SETD9: variants seen among roughly 807,000 people sequenced by gnomAD.
SETD9 encodes the protein SET domain containing 9, also known as SET domain-containing protein 9.
Under a neutral mutation model 36.4 loss-of-function variants are expected in SETD9, and 37 were observed. That is an observed-to-expected ratio of 1.02 (90% CI 0.78 to 1.34). The LOEUF is 1.34. Among genes scored for constraint, SETD9 ranks in the 40% most tolerant of loss-of-function variants. The pLI is 0.00. For synonymous variants in SETD9, 128 were observed against 132.9 expected, an observed-to-expected ratio of 0.96 and a Z score of 0.26; for missense variants, 323 against 353.2, an observed-to-expected ratio of 0.91 and a Z score of 0.69.
Position 56,913,928 on chromosome 5 carries a change from G to A in SETD9, c.645G>A (p.Trp215Ter). The change falls in exon 4 of 6, where the codon TGG becomes TGA. Residue 215 changes from tryptophan to a stop codon, truncating the protein, a stop_gained. Coordinates refer to ENST00000285947, the MANE Select transcript of SETD9 (RefSeq NM_153706.4). LOFTEE classifies it high-confidence loss of function. ...CTTTAAAAATGAGTGATAGTACATG[G>A]CTAACGTCAGAAATTCATAACCCTC... Reference protein sequence around the residue: ...LGPLKMSDSTWLTSEIHNPLA... With the variant: ...LGPLKMSDST The A allele has an allele frequency of 1.2e-6, 2 of 1,614,010 alleles. No individual in the cohort carries two copies. The highest frequency in any genetic ancestry group is 1.7e-6 in the Non-Finnish European group (2 of 1,179,924).
chr5:56,911,655 T>G, intron 2 of SETD9, 119 bp downstream of exon 2: 34 of 1,099,692 alleles, frequency 3.1e-5, no homozygotes, highest in Non-Finnish European at 4.1e-5. Flanking sequence ...AAACTCGAGT[T>G]TCCATAGATT....
rs73757504 is a variant in SETD9 at position 56,917,047 on chromosome 5, A to G, written c.*145A>G. 4.5e-6 allele frequency: 6 copies of G among 1,325,714 alleles called. No homozygotes were observed. The highest frequency in any genetic ancestry group is 5.8e-6 in the Non-Finnish European group (6 of 1,043,408). 82.1% of individuals were successfully genotyped at this position (1,325,714 alleles called of 1,614,324 possible). A position where few individuals can be genotyped will look rare whatever the true frequency, so the allele number is the denominator to read the frequency against. ...AATTTCTTATGTTTTTGTTGATATTATATTTATGTTCCAATTTCATGATAA... is the reference window on the plus strand; with the variant it reads ...AATTTCTTATGTTTTTGTTGATATTGTATTTATGTTCCAATTTCATGATAA... On this transcript the variant is annotated 3_prime_UTR_variant, in exon 6 of 6. Coordinates refer to ENST00000285947, the MANE Select transcript of SETD9 (RefSeq NM_153706.4).
chr5:56,923,115 A>T (rs1186852210), intron 5 of SETD9: 1 of 1,608,002 alleles, frequency 6.2e-7, no homozygotes, highest in African/African-American at 1.3e-5. Context: ...CAGTTCCGGG[A>T]TCCTCACTCA....
intron 5 of SETD9, chr5:56,923,673 G>T (rs1321406203): frequency 2.5e-6 from 4 of 1,614,064 alleles, no homozygotes; most frequent in Non-Finnish European, 3.4e-6. Context: ...ACTAAATGCA[G>T]AAAGGTCTTC....
chr5:56,916,573 T>A (rs1426524734), intron 5 of SETD9, among the ~76,000 whole-genome samples: 1 of 152,210 alleles, frequency 6.6e-6, no homozygotes, highest in East Asian at 1.9e-4. Context: ...TTAGAAACAA[T>A]GTTTTCAGAA....
At chr5:56,924,576 T>G (rs1749866953) in intron 5 of SETD9, among the ~76,000 whole-genome samples, 1 of 152,246 alleles carries the variant, frequency 6.6e-6, no homozygotes, top group Non-Finnish European at 1.5e-5. Context: ...ACCAACGGTC[T>G]ACAGCATCTG....
downstream of SETD9, among the ~76,000 whole-genome samples, chr5:56,918,039 C>T (rs1028976718): frequency 4.6e-5 from 7 of 152,180 alleles, no homozygotes; most frequent in African/African-American, 1.7e-4. Flanking sequence ...GTCCCCCTTA[C>T]AGAACATATC....
intron 5 of SETD9, among the ~76,000 whole-genome samples, chr5:56,925,069 G>A (rs906178801): frequency 2.0e-5 from 3 of 152,206 alleles, no homozygotes; most frequent in South Asian, 2.1e-4. Context: ...AACTGTTTAC[G>A]GAATGAATGG....
chr5:56,912,422 T>A (rs1749186893), intron 2 of SETD9, among the ~76,000 whole-genome samples: 1 of 152,190 alleles, frequency 6.6e-6, no homozygotes, highest in Non-Finnish European at 1.5e-5. Context: ...TTTTCTAATT[T>A]TACATCCCCA....
downstream of SETD9, among the ~76,000 whole-genome samples, chr5:56,918,463 T>C (rs902171769): frequency 2.6e-5 from 4 of 152,144 alleles, no homozygotes; most frequent in Non-Finnish European, 4.4e-5. Context: ...AAGCGTACCA[T>C]AGATGGAAAT....
intron 1 of SETD9, 63 bp downstream of exon 1, chr5:56,909,806 G>A: frequency 3.3e-6 from 5 of 1,504,330 alleles, no homozygotes; most frequent in Middle Eastern, 1.7e-4. Context: ...CCACCACGGC[G>A]GCGGGACGCA....
At chr5:56,910,598 C>A in intron 1 of SETD9, 1 of 320,142 alleles carries the variant, frequency 3.1e-6, no homozygotes, top group Non-Finnish European at 6.1e-6. Context: ...CCTTTTTGTT[C>A]AAGTAAAAAT....
intron 5 of SETD9, among the ~76,000 whole-genome samples, chr5:56,915,339 A>G (rs1316975808): frequency 2.0e-5 from 3 of 152,204 alleles, no homozygotes; most frequent in African/African-American, 7.2e-5. Flanking sequence ...TTGAAGAAAG[A>G]GGCCAAATTA....
rs141021686 is a variant in SETD9, at chr5:56,909,652, G to A, written c.7G>A (p.Gly3Ser). The A allele has an allele frequency of 1.6e-4, 265 of 1,607,110 alleles. No individual in the cohort carries two copies. In the African/African-American group the frequency reaches 3.0e-3, roughly 18 times the overall value. Residue 3 changes from glycine to serine, a missense_variant, in exon 1 of 6, where the codon GGC (glycine) becomes AGC (serine). Physicochemically the swap from Gly to Ser is moderately conservative, Grantham distance 56 (BLOSUM62 0). Coordinates refer to ENST00000285947, the MANE Select transcript of SETD9 (RefSeq NM_153706.4). ...ACGGCCCCGCGGGGCAGCCATGCCT[G>A]GCCGTCTGCTGCGGGGCCTGTGGCA... MP[G>S]RLLRGLWQRW...
At chr5:56,924,642 G>A (rs530094475) in intron 5 of SETD9, among the ~76,000 whole-genome samples, 3 of 152,222 alleles carry the variant, frequency 2.0e-5, no homozygotes, top group Non-Finnish European at 2.9e-5. Context: ...AGTATGTTTG[G>A]TTTTTAGATC....
At chr5:56,913,324 G>A (rs1749250443) in intron 3 of SETD9, among the ~76,000 whole-genome samples, 190 bp downstream of exon 3, 1 of 152,090 alleles carries the variant, frequency 6.6e-6, no homozygotes, top group African/African-American at 2.4e-5. Flanking sequence ...AAAGTGCTGG[G>A]ATTACAGGCT....
intron 1 of SETD9, chr5:56,910,462 C>T (rs902233354): frequency 3.9e-5 from 47 of 1,204,216 alleles, no homozygotes; most frequent in Non-Finnish European, 4.9e-5. Flanking sequence ...CCAAAGAGGC[C>T]GACCGGGCCT....
Position 56,922,999 on chromosome 5 carries a change from C to G in SETD9, c.813-2334C>G, listed in dbSNP as rs1039211597. 7 of 684,020 alleles carry G rather than the reference C, an allele frequency of 1.0e-5. No individual in the cohort carries two copies. In the Admixed American group the frequency reaches 1.4e-4, roughly 14 times the overall value. 42.4% of individuals were successfully genotyped at this position (684,020 alleles called of 1,614,324 possible). On this transcript the variant is annotated intron_variant, in intron 5 of 5. Coordinates refer to the SETD9 transcript ENST00000628593. ...ACTCTTGATAAATCAAGATATAGTT[C>G]TATACATACTGACATCACTGATGTC...
downstream of SETD9, among the ~76,000 whole-genome samples, chr5:56,925,901 ATAGAT>A (rs1749951606): frequency 6.6e-6 from 1 of 152,136 alleles, no homozygotes; most frequent in Non-Finnish European, 1.5e-5. Context: ...GGAAAGACAA[ATAGAT>A]TAAAGGAACA....
Sources: gnomAD v4.1 joint callset for allele counts (sites outside exome capture counted in the v4.1 genomes callset) on GRCh38, gnomAD v4.1.1 for gene constraint, MANE v1.5 for transcripts, NCBI Gene and HGNC (gene_info 2026-07-23, HGNC 2026-07-21) for gene names.